KDR: variants seen among roughly 807,000 people sequenced by gnomAD.
The protein encoded by KDR is vascular endothelial growth factor receptor 2.
A neutral mutation model predicts 160.9 loss-of-function variants in KDR; 43 were observed. The ratio of observed to expected loss-of-function variants is 0.27; its 90% CI spans 0.21 to 0.34. The LOEUF (loss-of-function observed/expected upper bound fraction) is 0.34. Ranked by LOEUF, KDR falls within the 10% of genes least tolerant of loss-of-function variation. The probability of loss-of-function intolerance (pLI) is 1.00; values close to 1 mark genes in which losing one functional copy is unlikely to be tolerated. For synonymous variants in KDR, 617 were observed against 600.1 expected (o/e 1.03, Z -0.41); for missense variants, 1,469 against 1,666.4 (o/e 0.88, Z 2.06).
chr4:55,098,549 G>A, intron 16 of KDR, 148 bp downstream of exon 16: 2 of 747,326 alleles, frequency 2.7e-6, no homozygotes, highest in South Asian at 1.6e-5. Flanking sequence ...CCAGCCAAAA[G>A]AAAGTGGGCA....
At position 55,118,625 on chromosome 4, in the gene KDR, C is replaced by T. The variant is rs1437960932; in HGVS notation, c.337G>A (p.Val113Ile). ...CFYRETDLAS[V>I]IYVYVQDYRS... ...TTACCTTGAACATAGACATAAATGACCGAGGCCAAGTCAGTTTCCCGGTAG... is the reference window on the plus strand; with the variant it reads ...TTACCTTGAACATAGACATAAATGATCGAGGCCAAGTCAGTTTCCCGGTAG... Residue 113 changes from valine (V) to isoleucine (I), a missense_variant, in exon 3 of 30, where the codon GTC becomes ATC. Val to Ile is a conservative substitution (Grantham distance 29, BLOSUM62 3). Around this residue, in one of 7 missense-constraint regions of KDR, gnomAD observed 792 missense variants for 840.9 expected, o/e 0.94. Coordinates refer to ENST00000263923, the MANE Select transcript of KDR (RefSeq NM_002253.4). The T allele has an allele frequency of 6.8e-6, 11 of 1,614,014 alleles. No individual in the cohort carries two copies. The highest frequency in any genetic ancestry group is 8.5e-6 in the Non-Finnish European group (10 of 1,179,916).
Position 55,093,544 on chromosome 4 carries a change from T to C in KDR, c.2972-830A>G, listed in dbSNP as rs1276315515. Among the ~76,000 whole-genome samples the C allele has an allele frequency of 5.3e-5, 8 of 152,174 alleles. No homozygotes were observed. In the East Asian group the frequency reaches 5.8e-4, roughly 11 times the overall value. ...TTTCTGGCTCACTGGCCACTGTTTT[T>C]TGAAAGACAAAGAGCAGGGTAGAGG... On this transcript the variant is annotated intron_variant, in intron 21 of 29. Coordinates refer to ENST00000263923, the MANE Select transcript of KDR (RefSeq NM_002253.4).
At chr4:55,083,907 C>T (rs1236080265) in intron 27 of KDR, among the ~76,000 whole-genome samples, 1 of 152,180 alleles carries the variant, frequency 6.6e-6, no homozygotes, top group East Asian at 1.9e-4. Flanking sequence ...AGCCTACTTT[C>T]TAAGTCCAAC....
chr4:55,094,652 A>G (rs1262500774), intron 21 of KDR, 150 bp downstream of exon 21: 2 of 814,082 alleles, frequency 2.5e-6, no homozygotes, highest in Admixed American at 3.4e-5. Context: ...GGGAGACAGA[A>G]TGGAGGCAGT....
Position 55,081,976 on chromosome 4 carries a change from G to A in KDR, c.3828C>T (p.Thr1276=), listed in dbSNP as rs1475617769. The change falls in exon 29 of 30, where the codon ACC becomes ACT. Residue 1276 remains threonine (T), a synonymous_variant. Coordinates refer to ENST00000263923, the MANE Select transcript of KDR (RefSeq NM_002253.4). ...CTTACCCAAAAGATGGAGATAATTTGGTTCTGTCTTCCAAAGTTTTCAGCT... is the reference window on the plus strand; with the variant it reads ...CTTACCCAAAAGATGGAGATAATTTAGTTCTGTCTTCCAAAGTTTTCAGCT... ...SEELKTLEDR[T]KLSPSFGGMV... 6.2e-7 allele frequency: 1 copy of A among 1,611,938 alleles called. No individual in the cohort carries two copies. The highest frequency in any genetic ancestry group is 8.5e-7 in the Non-Finnish European group (1 of 1,178,118).
intron 4 of KDR, 111 bp downstream of exon 4, chr4:55,115,170 T>C: frequency 8.0e-7 from 1 of 1,250,462 alleles, no homozygotes; most frequent in Non-Finnish European, 1.2e-6. Flanking sequence ...CATTTGACCC[T>C]TCCTAAAGGA....
intron 18 of KDR, 83 bp downstream of exon 18, chr4:55,097,579 C>T: frequency 1.1e-6 from 1 of 932,644 alleles, no homozygotes; most frequent in Non-Finnish European, 1.7e-6. Context: ...CACATAAGCA[C>T]AAAGCTACTG....
At chr4:55,117,367 C>T (rs907697618) in intron 3 of KDR, among the ~76,000 whole-genome samples, 10 of 152,106 alleles carry the variant, frequency 6.6e-5, no homozygotes, top group Admixed American at 1.3e-4. Context: ...ATCTTCTGAC[C>T]GAGCTGCATC....
chr4:55,106,801 G>C lies in KDR; in HGVS notation c.1422C>G (p.Val474=). 6.2e-7 allele frequency: 1 copy of C among 1,608,108 alleles called. No individual in the cohort carries two copies. Among genetic ancestry groups the C allele is most frequent in the South Asian group, 1.1e-5 (1 of 90,990 alleles). Residue 474 remains valine, a synonymous_variant, in exon 11 of 30, where the codon GTC becomes GTG. Transcript: ENST00000263923. ...EECANEPSQA[V]SVTNPYPCEE... ...CACAAGGGTATGGGTTTGTCACTGA[G>C]ACAGCTTGGCTATAAGAAAGAGATA... is the stretch of plus-strand genomic sequence containing the variant.
At chr4:55,087,334 T>C (rs1242108542) in intron 27 of KDR, among the ~76,000 whole-genome samples, 1 of 152,244 alleles carries the variant, frequency 6.6e-6, no homozygotes, top group Non-Finnish European at 1.5e-5. Flanking sequence ...ATTCTGGAAA[T>C]TAGCAAACTG....
intron 4 of KDR, 118 bp from the exon 5 acceptor site, chr4:55,115,160 C>T: frequency 8.1e-7 from 1 of 1,234,008 alleles, no homozygotes. Context: ...TTATTCATTG[C>T]ATTTGACCCT....
At chr4:55,106,099 A>G (rs1720439995) in intron 11 of KDR, among the ~76,000 whole-genome samples, 159 bp from the exon 12 acceptor site, 1 of 152,132 alleles carries the variant, frequency 6.6e-6, no homozygotes. Context: ...CAGGTTGAGT[A>G]TCCCTTACTC....
At position 55,098,779 on chromosome 4, in the gene KDR, T is replaced by C; in HGVS notation, c.2291A>G (p.Glu764Gly). Residue 764 changes from glutamate (E) to glycine (G), a missense_variant, in exon 16 of 30, where the codon GAA (glutamate) becomes GGA (glycine). Glu to Gly is a moderately conservative substitution (Grantham distance 98). Coordinates refer to ENST00000263923, the MANE Select transcript of KDR (RefSeq NM_002253.4). Reference protein sequence around the residue: ...IEGAQEKTNLEIIILVGTAVI... With the variant: ...IEGAQEKTNLGIIILVGTAVI... ...CGCCGTGCCTACTAGAATAATGATT[T>C]CCAAGTTCGTCTTTTCCTGGGCACC... 4 of 1,613,062 alleles carry C rather than the reference T, an allele frequency of 2.5e-6. No homozygotes were observed. The highest frequency in any genetic ancestry group is 3.4e-6 in the Non-Finnish European group (4 of 1,179,250).
Position 55,107,811 on chromosome 4 carries a change from C to A in KDR, c.1338G>T (p.Thr446=). Residue 446 remains threonine (T), a synonymous_variant, in exon 10 of 30, where the codon ACG becomes ACT. Coordinates refer to ENST00000263923, the MANE Select transcript of KDR (RefSeq NM_002253.4). The part of the protein sequence containing the change: ...QYGTTQTLTC[T]VYAIPPPHHI... ...GATGCGGGGGAGGAATGGCATAGAC[C>A]GTACATGTCAGCGTTTGAGTGGTGC... 2 of 1,613,842 alleles carry A rather than the reference C, an allele frequency of 1.2e-6. No homozygotes were observed. Among genetic ancestry groups the A allele is most frequent in the Non-Finnish European group, 1.7e-6 (2 of 1,179,904 alleles).
At chr4:55,110,118 C>T (rs1720540687) in intron 9 of KDR, among the ~76,000 whole-genome samples, 1 of 152,182 alleles carries the variant, frequency 6.6e-6, no homozygotes, top group African/African-American at 2.4e-5. Context: ...ACAACTGTCC[C>T]TGTGGGCATT....
rs948641047 is a variant in KDR, at chr4:55,078,666, T to C, written c.*1275A>G. On this transcript the variant is annotated 3_prime_UTR_variant, in exon 30 of 30. Transcript: ENST00000263923. Reference sequence around the variant, plus strand: ...AATATATGTGCCATAGCATGTCTTATAGTCATTGTTCCCAGCATTTCACAC... The same window carrying C: ...AATATATGTGCCATAGCATGTCTTACAGTCATTGTTCCCAGCATTTCACAC... The C allele has an allele frequency of 2.6e-5, 6 of 232,716 alleles. No homozygotes were observed. The highest frequency in any genetic ancestry group is 5.1e-5 in the Non-Finnish European group (6 of 117,802). The allele number at this position is 232,716 out of a possible 1,614,324, so 14.4% of individuals were successfully genotyped here. A position where few individuals can be genotyped will look rare whatever the true frequency, so the allele number is the denominator to read the frequency against.
At chr4:55,081,294 C>G (rs1203881147) in intron 29 of KDR, among the ~76,000 whole-genome samples, 1 of 151,898 alleles carries the variant, frequency 6.6e-6, no homozygotes, top group Non-Finnish European at 1.5e-5. Context: ...CTATTCTTAC[C>G]TTTAGGTAAG....
Position 55,089,401 on chromosome 4 carries a change from C to T in KDR, c.3377G>A (p.Arg1126Lys). 2 of 1,612,170 alleles carry T rather than the reference C, an allele frequency of 1.2e-6. No homozygotes were observed. The highest frequency in any genetic ancestry group is 1.7e-6 in the Non-Finnish European group (2 of 1,178,534). Residue 1126 changes from arginine to lysine, a missense_variant, in exon 25 of 30, where the codon AGG becomes AAG. Transcript: ENST00000263923. ...TTCTGGTGTAGTATAATCAGGGGCCCTCATTCTAGTTCCTTCTTTCAATCG... is the reference window on the plus strand; with the variant it reads ...TTCTGGTGTAGTATAATCAGGGGCCTTCATTCTAGTTCCTTCTTTCAATCG... ...CRRLKEGTRM[R>K]APDYTTPEMY...
chr4:55,120,084 A>C (rs1299642123), intron 2 of KDR, among the ~76,000 whole-genome samples: 1 of 152,228 alleles, frequency 6.6e-6, no homozygotes, highest in Non-Finnish European at 1.5e-5. Flanking sequence ...GTCTTAAACA[A>C]GTAAAGCTAG....
Sources: allele counts gnomAD v4.1 joint callset (sites outside exome capture counted in the v4.1 genomes callset), GRCh38; gene constraint gnomAD v4.1.1; regional missense constraint gnomAD v4.1.1; transcripts MANE v1.5; gene names NCBI Gene and HGNC (gene_info 2026-07-23, HGNC 2026-07-21).